The following ALDH1A2 variants were observed in gnomAD, a reference collection of about 807,000 sequenced individuals.
ALDH1A2 encodes retinal dehydrogenase 2.
In ALDH1A2, 27 loss-of-function variants were observed where a neutral mutation model predicts 60.3. The ratio of observed to expected loss-of-function variants is 0.45; its 90% CI spans 0.33 to 0.62. The LOEUF is 0.62. Ranked by LOEUF, ALDH1A2 falls within the 20% of genes least tolerant of loss-of-function variation. The probability of loss-of-function intolerance (pLI) is 0.02; values close to 1 mark genes in which losing one functional copy is unlikely to be tolerated. For missense variants in ALDH1A2, 581 were observed against 643.8 expected (o/e 0.90, Z 1.06); for synonymous variants, 289 against 232.4 (o/e 1.24, Z -2.21).
At chr15:57,963,465 G>A (rs1427856401) in intron 9 of ALDH1A2, among the ~76,000 whole-genome samples, 5 of 150,516 alleles carry the variant, frequency 3.3e-5, no homozygotes, top group South Asian at 2.1e-4. Context: ...TCAGCCTCCC[G>A]AGTAGCTGGG....
At chr15:58,012,458 T>TA (rs1205942638) in intron 3 of ALDH1A2, among the ~76,000 whole-genome samples, 6 of 152,118 alleles carry the variant, frequency 3.9e-5, no homozygotes, top group Non-Finnish European at 8.8e-5. Context: ...ATGATATTGG[T>TA]ATGTTAGCCA....
intron 1 of ALDH1A2, among the ~76,000 whole-genome samples, chr15:58,041,970 C>T (rs1318940424): frequency 6.6e-6 from 1 of 151,818 alleles, no homozygotes; most frequent in Non-Finnish European, 1.5e-5. Context: ...AATATCTTAC[C>T]ATACTGTACT....
intron 1 of ALDH1A2, among the ~76,000 whole-genome samples, chr15:58,042,773 T>C (rs1896550590): frequency 6.6e-6 from 1 of 151,920 alleles, no homozygotes; most frequent in Non-Finnish European, 1.5e-5. Context: ...AAAATACCAG[T>C]GCCACTGGTA....
intron 1 of ALDH1A2, chr15:58,057,979 C>CA: frequency 9.5e-7 from 1 of 1,048,596 alleles, no homozygotes; most frequent in Non-Finnish European, 1.3e-6. Flanking sequence ...ATTATATTAT[C>CA]AAACTGTAAA....
rs1230124736 is a variant in ALDH1A2, at chr15:57,963,989, C to T, written c.982G>A (p.Val328Met). The change falls in exon 9 of 13, where the codon GTG becomes ATG. Residue 328 changes from valine (V) to methionine (M), a missense_variant. By Grantham distance (21) the Val-to-Met change is conservative (BLOSUM62 1). Coordinates refer to ENST00000249750, the MANE Select transcript of ALDH1A2 (RefSeq NM_003888.4). ...QCCTAGSRIF[V>M]EESIYEEFVR... is the part of the protein sequence containing the mutation. ...AACTCCTCATAGATGGACTCCTCCA[C>T]GAAGATGCGAGAGCCTGCAGTGCAG... 7.4e-6 allele frequency: 12 copies of T among 1,614,066 alleles called. No individual in the cohort carries two copies. Among genetic ancestry groups the T allele is most frequent in the African/African-American group, 1.3e-5 (1 of 74,928 alleles).
At chr15:58,011,066 C>G (rs1169015536) in intron 3 of ALDH1A2, among the ~76,000 whole-genome samples, 2 of 152,058 alleles carry the variant, frequency 1.3e-5, no homozygotes, top group Admixed American at 6.6e-5. Context: ...AAATGTTCTG[C>G]TTGTCAAAAC....
chr15:58,024,435 G>A (rs1487897295), intron 1 of ALDH1A2, among the ~76,000 whole-genome samples: 2 of 152,120 alleles, frequency 1.3e-5, no homozygotes, highest in East Asian at 1.9e-4. Context: ...AGGAGTAGCT[G>A]TATTTATATC....
chr15:57,974,375 G>C (rs908333076), intron 7 of ALDH1A2, among the ~76,000 whole-genome samples: 3 of 148,812 alleles, frequency 2.0e-5, no homozygotes, highest in Non-Finnish European at 4.4e-5. Context: ...AGAGCTTGCA[G>C]TGAGCCAAGA....
intron 1 of ALDH1A2, among the ~76,000 whole-genome samples, chr15:58,061,468 C>G (rs1425944693): frequency 6.6e-6 from 1 of 151,384 alleles, no homozygotes; most frequent in Non-Finnish European, 1.5e-5. Context: ...TCAAAAATAG[C>G]CATTTAAAGT....
chr15:58,065,216 C>T (rs1193854444), intron 1 of ALDH1A2: 1 of 354,230 alleles, frequency 2.8e-6, no homozygotes, highest in East Asian at 7.0e-5. Context: ...GGTTCCGACG[C>T]CTTCCCCCGC....
At chr15:58,006,023 ATTT>A (rs34604016) in intron 4 of ALDH1A2, among the ~76,000 whole-genome samples, 1 of 148,886 alleles carries the variant, frequency 6.7e-6, no homozygotes, top group African/African-American at 2.5e-5. Context: ...CAAAGCAGGG[ATTT>A]TTTTTTTTTT....
chr15:58,048,489 G>T (rs1340675915), intron 1 of ALDH1A2, among the ~76,000 whole-genome samples: 1 of 152,084 alleles, frequency 6.6e-6, no homozygotes, highest in Non-Finnish European at 1.5e-5. Flanking sequence ...GGACAGTTTG[G>T]TCAGCCTTTG....
rs562850342 is a variant in ALDH1A2 at position 57,965,009 on chromosome 15, G to C, written c.901+716C>G. Among the ~76,000 whole-genome samples, 5 of 151,180 alleles carry C rather than the reference G, an allele frequency of 3.3e-5. No individual in the cohort carries two copies. The South Asian group carries it at 1.0e-3, about 31-fold the overall frequency. On this transcript the variant is annotated intron_variant, in intron 8 of 12. Coordinates refer to ENST00000249750, the MANE Select transcript of ALDH1A2 (RefSeq NM_003888.4). ...AAGCAGCTCTGCCTGGCAACAAGTG[G>C]AGGGAAAAAAAAAAAAGAATCACTG... is the stretch of plus-strand genomic sequence containing the variant.
chr15:58,025,908 C>G (rs1266665868), intron 1 of ALDH1A2, among the ~76,000 whole-genome samples: 1 of 152,192 alleles, frequency 6.6e-6, no homozygotes, highest in African/African-American at 2.4e-5. Context: ...CAAGAACTCA[C>G]TCATTACCTC....
chr15:57,962,209 T>TGA (rs1416016109), intron 9 of ALDH1A2, 33 bp from the exon 10 acceptor site: 1 of 1,608,182 alleles, frequency 6.2e-7, no homozygotes, highest in Non-Finnish European at 8.5e-7. Flanking sequence ...ACTCCAAATA[T>TGA]AACCTTCTAT....
chr15:58,055,510 T>C (rs34907369), intron 1 of ALDH1A2, among the ~76,000 whole-genome samples: 3,342 of 151,976 alleles, frequency 0.022, 51 homozygotes, highest in Middle Eastern at 0.034. Flanking sequence ...CATGCAAAAA[T>C]TGTACCACTG....
At chr15:58,011,712 G>C (rs1488904034) in intron 3 of ALDH1A2, among the ~76,000 whole-genome samples, 2 of 152,102 alleles carry the variant, frequency 1.3e-5, no homozygotes, top group East Asian at 3.9e-4. Flanking sequence ...TATCTACTTA[G>C]TATGTGTATA....
chr15:58,021,326 G>T (rs1285324299), intron 1 of ALDH1A2, among the ~76,000 whole-genome samples: 8 of 152,048 alleles, frequency 5.3e-5, no homozygotes, highest in Non-Finnish European at 8.8e-5. Context: ...TTATCCAAGA[G>T]AACACCGGAA....
intron 1 of ALDH1A2, among the ~76,000 whole-genome samples, chr15:58,030,001 T>C (rs1896189222): frequency 6.6e-6 from 1 of 152,038 alleles, no homozygotes; most frequent in Non-Finnish European, 1.5e-5. Context: ...ACTATTCCAA[T>C]CAATAGAAAA....
Sources: allele counts gnomAD v4.1 joint callset (sites outside exome capture counted in the v4.1 genomes callset), GRCh38; gene constraint gnomAD v4.1.1; transcripts MANE v1.5; gene names NCBI Gene and HGNC (gene_info 2026-07-23, HGNC 2026-07-21).